The following NRG3 variants were observed in gnomAD, a reference collection of about 807,000 sequenced individuals.
NRG3 encodes the protein pro-neuregulin-3, membrane-bound isoform.
NRG3 carries 31 observed loss-of-function variants against 66.9 expected under a neutral mutation model. The observed-to-expected ratio is 0.46, with a 90% confidence interval of 0.35 to 0.63. The LOEUF (loss-of-function observed/expected upper bound fraction) is 0.63. Among genes scored for constraint, NRG3 ranks in the 20% least tolerant of loss-of-function variants. The pLI, the probability that NRG3 is intolerant of heterozygous loss-of-function variation, is 0.00. For synonymous variants in NRG3, 393 were observed against 359.4 expected, an observed-to-expected ratio of 1.09 and a Z score of -1.06; for missense variants, 910 against 878.9, an observed-to-expected ratio of 1.04 and a Z score of -0.45.
At chr10:82,597,254 A>C (rs1466731791) in intron 2 of NRG3, among the ~76,000 whole-genome samples, 1 of 152,188 alleles carries the variant, frequency 6.6e-6, no homozygotes, top group Non-Finnish European at 1.5e-5. Flanking sequence ...GGATTTGGCA[A>C]TATACATGAG....
intron 4 of NRG3, among the ~76,000 whole-genome samples, chr10:82,935,438 A>T (rs1383170232): frequency 1.3e-5 from 2 of 152,338 alleles, no homozygotes; most frequent in South Asian, 4.1e-4. Context: ...CAATAGTAGA[A>T]ATAAAATAAA....
intron 2 of NRG3, among the ~76,000 whole-genome samples, chr10:82,605,513 G>C (rs1191464158): frequency 6.6e-6 from 1 of 151,918 alleles, no homozygotes. Context: ...ATATTTGTAA[G>C]AAATATTAGT....
chr10:82,595,720 G>A (rs1006063283), intron 2 of NRG3, among the ~76,000 whole-genome samples: 35 of 152,024 alleles, frequency 2.3e-4, no homozygotes, highest in African/African-American at 7.5e-4. Flanking sequence ...GGGAGGCAGA[G>A]GTTGCAGTGA....
At chr10:82,777,128 C>T (rs1042844557) in intron 3 of NRG3, among the ~76,000 whole-genome samples, 2 of 152,112 alleles carry the variant, frequency 1.3e-5, no homozygotes, top group Non-Finnish European at 2.9e-5. Context: ...GGGTCCATTG[C>T]CTCCAGTTCT....
chr10:82,516,558 C>T (rs1180105995), intron 2 of NRG3, among the ~76,000 whole-genome samples: 3 of 152,110 alleles, frequency 2.0e-5, no homozygotes, highest in African/African-American at 7.2e-5. Flanking sequence ...AAATGTAAAT[C>T]CTCAATGCAG....
chr10:82,063,570 A>C (rs774139987), intron 1 of NRG3, among the ~76,000 whole-genome samples: 2 of 150,828 alleles, frequency 1.3e-5, no homozygotes, highest in South Asian at 2.1e-4. Context: ...GGTGCCCTTA[A>C]TAAACCCATC....
chr10:82,323,615 G>C (rs1002929287), intron 1 of NRG3, among the ~76,000 whole-genome samples: 1 of 151,750 alleles, frequency 6.6e-6, no homozygotes, highest in Non-Finnish European at 1.5e-5. Flanking sequence ...AGGAATGTTG[G>C]CCTAATAAAA....
intron 4 of NRG3, among the ~76,000 whole-genome samples, chr10:82,904,851 T>A (rs1043031735): frequency 8.5e-5 from 13 of 152,144 alleles, no homozygotes; most frequent in Admixed American, 1.3e-4. Context: ...GTATTTCTGA[T>A]ACATACTTCC....
chr10:82,679,914 A>G (rs1272648487), intron 2 of NRG3, among the ~76,000 whole-genome samples: 1 of 152,166 alleles, frequency 6.6e-6, no homozygotes, highest in East Asian at 1.9e-4. Context: ...TATTTTATAA[A>G]TTGCACTATG....
intron 2 of NRG3, among the ~76,000 whole-genome samples, chr10:82,469,802 C>T (rs925518557): frequency 1.3e-5 from 2 of 151,946 alleles, no homozygotes; most frequent in African/African-American, 4.9e-5. Flanking sequence ...TGTTGCATTT[C>T]AGATTAGATG....
At chr10:82,258,711 C>G (rs1165591618) in intron 1 of NRG3, among the ~76,000 whole-genome samples, 1 of 152,154 alleles carries the variant, frequency 6.6e-6, no homozygotes, top group Non-Finnish European at 1.5e-5. Flanking sequence ...GTTGCCTTAT[C>G]AAACAGTTAC....
rs767396179 is a variant in NRG3, at chr10:82,738,592, C to T, written c.969C>T (p.Tyr323=). ...CTTTTCTCAGGTGCAAAGAAGGCTA[C>T]CAAGGAGTCCGTTGTGATCAATTTC... ...SHKHCRCKEG[Y]QGVRCDQFLP... is the part of the protein sequence containing the mutation. The change falls in exon 3 of 9, where the codon TAC becomes TAT. Residue 323 remains tyrosine, a synonymous_variant. Coordinates refer to ENST00000372141, the MANE Select transcript of NRG3 (RefSeq NM_001010848.4). 1.2e-4 allele frequency: 197 copies of T among 1,613,950 alleles called. No individual in the cohort carries two copies. Among genetic ancestry groups the T allele is most frequent in the African/African-American group, 1.3e-5 (1 of 74,904 alleles).
At chr10:82,400,491 C>T (rs1279585842) in intron 2 of NRG3, among the ~76,000 whole-genome samples, 1 of 151,934 alleles carries the variant, frequency 6.6e-6, no homozygotes, top group Non-Finnish European at 1.5e-5. Flanking sequence ...AGATGACACA[C>T]ATGCTGCTGA....
chr10:82,238,308 T>C, intron 1 of NRG3, among the ~76,000 whole-genome samples: 1 of 152,032 alleles, frequency 6.6e-6, no homozygotes, highest in Non-Finnish European at 1.5e-5. Context: ...TAAATGCCTG[T>C]TCTAAAAAAG....
intron 1 of NRG3, among the ~76,000 whole-genome samples, chr10:82,270,513 C>T (rs2078537735): frequency 6.6e-6 from 1 of 152,092 alleles, no homozygotes; most frequent in Admixed American, 6.6e-5. Flanking sequence ...AAATGTACCT[C>T]TTTGCTTTCC....
At chr10:81,979,059 C>G (rs1390060112) in intron 1 of NRG3, among the ~76,000 whole-genome samples, 1 of 151,990 alleles carries the variant, frequency 6.6e-6, no homozygotes, top group Admixed American at 6.6e-5. Context: ...CGTAGTGGCG[C>G]ACGCCTGTAG....
intron 1 of NRG3, among the ~76,000 whole-genome samples, chr10:82,118,737 C>G (rs568927901): frequency 6.6e-6 from 1 of 150,700 alleles, no homozygotes; most frequent in African/African-American, 2.4e-5. Flanking sequence ...ATTTTTTTTT[C>G]TTTGCAATAG....
At chr10:82,522,864 C>G (rs1846331348) in intron 2 of NRG3, among the ~76,000 whole-genome samples, 1 of 152,208 alleles carries the variant, frequency 6.6e-6, no homozygotes, top group South Asian at 2.1e-4. Flanking sequence ...TCCATGGCTA[C>G]AGTAGACATT....
At chr10:82,245,977 G>C (rs79982034) in intron 1 of NRG3, among the ~76,000 whole-genome samples, 1 of 100,264 alleles carries the variant, frequency 1.0e-5, no homozygotes, top group African/African-American at 4.7e-5. Flanking sequence ...CCAGTCTTCT[G>C]GTTTTTTTTT....
Sources: allele counts gnomAD v4.1 joint callset (sites outside exome capture counted in the v4.1 genomes callset), GRCh38; gene constraint gnomAD v4.1.1; transcripts MANE v1.5; gene names NCBI Gene and HGNC (gene_info 2026-07-23, HGNC 2026-07-21).